The following DNAJB14 variants were observed in gnomAD, a reference collection of about 807,000 sequenced individuals.
DNAJB14 encodes the protein dnaJ homolog subfamily B member 14.
A neutral mutation model predicts 48.4 loss-of-function variants in DNAJB14; 22 were observed. The ratio of observed to expected loss-of-function variants is 0.45; its 90% CI spans 0.32 to 0.65. The LOEUF (loss-of-function observed/expected upper bound fraction) is 0.65. Ranked by LOEUF, DNAJB14 falls within the 30% of genes least tolerant of loss-of-function variation. DNAJB14 has a pLI of 0.03. For synonymous variants in DNAJB14, 142 were observed against 158.7 expected, an observed-to-expected ratio of 0.89 and a Z score of 0.79; for missense variants, 319 against 458.8, an observed-to-expected ratio of 0.70 and a Z score of 2.78.
At chr4:99,918,625 C>T (rs781712458) in intron 3 of DNAJB14, among the ~76,000 whole-genome samples, 1 of 152,178 alleles carries the variant, frequency 6.6e-6, no homozygotes, top group Non-Finnish European at 1.5e-5. Flanking sequence ...CCCTTGGCCT[C>T]TGAAGACACT....
At chr4:99,935,675 A>G (rs1726646472) in intron 1 of DNAJB14, among the ~76,000 whole-genome samples, 1 of 150,278 alleles carries the variant, frequency 6.7e-6, no homozygotes, top group African/African-American at 2.5e-5. Context: ...CTCTTCTAAT[A>G]GAAAAATTAT....
At chr4:99,910,132 A>G (rs947674255) in intron 3 of DNAJB14, among the ~76,000 whole-genome samples, 3 of 152,056 alleles carry the variant, frequency 2.0e-5, no homozygotes, top group African/African-American at 7.2e-5. Context: ...AATACTCTGG[A>G]TATTTTCTTC....
intron 1 of DNAJB14, among the ~76,000 whole-genome samples, chr4:99,940,583 ACT>A (rs2110225237): frequency 6.6e-6 from 1 of 152,236 alleles, no homozygotes; most frequent in East Asian, 1.9e-4. Flanking sequence ...AGAACGAGAC[ACT>A]GTCTCAAAAA....
chr4:99,940,961 TG>T (rs199536005), intron 1 of DNAJB14, among the ~76,000 whole-genome samples: 3,263 of 147,442 alleles, frequency 0.022, 35 homozygotes, highest in African/African-American at 0.039. Context: ...ATTTTTTTTT[TG>T]GAACACTTGG....
chr4:99,933,134 G>A (rs1285315518), intron 1 of DNAJB14, among the ~76,000 whole-genome samples: 1 of 151,944 alleles, frequency 6.6e-6, no homozygotes, highest in Non-Finnish European at 1.5e-5. Flanking sequence ...ATTGAAATGA[G>A]TGAATTGTAT....
chr4:99,939,835 A>T (rs1194358297), intron 1 of DNAJB14, among the ~76,000 whole-genome samples: 1 of 152,266 alleles, frequency 6.6e-6, no homozygotes, highest in Non-Finnish European at 1.5e-5. Flanking sequence ...AATTTAGAAC[A>T]CATTGGATCT....
intron 5 of DNAJB14, chr4:99,905,945 T>G (rs1385519777): frequency 1.5e-6 from 2 of 1,329,434 alleles, no homozygotes; most frequent in Non-Finnish European, 1.9e-6. Flanking sequence ...GATGAGGAAG[T>G]CTTCATTTCT....
intron 2 of DNAJB14, chr4:99,929,303 G>A (rs1227242736): frequency 6.6e-6 from 1 of 152,240 alleles, no homozygotes; most frequent in African/African-American, 2.4e-5. Flanking sequence ...ATGTTGGCCA[G>A]GCTGGTCTTG....
intron 3 of DNAJB14, among the ~76,000 whole-genome samples, chr4:99,916,305 A>AT (rs1318312222): frequency 6.6e-6 from 1 of 151,982 alleles, no homozygotes; most frequent in Admixed American, 6.6e-5. Context: ...CATCCAGCTA[A>AT]TTTTTTAATT....
At chr4:99,927,505 G>A (rs1726299377) in intron 2 of DNAJB14, 1 of 152,056 alleles carries the variant, frequency 6.6e-6, no homozygotes. Flanking sequence ...TAAATACAAT[G>A]ATACTCCAGT....
At chr4:99,918,699 T>TA (rs1171479678) in intron 3 of DNAJB14, among the ~76,000 whole-genome samples, 2 of 152,168 alleles carry the variant, frequency 1.3e-5, no homozygotes, top group Admixed American at 1.3e-4. Context: ...GGCCTCCACT[T>TA]ACGTCTCCCT....
At chr4:99,945,504 T>C (rs1360859232) in intron 1 of DNAJB14, among the ~76,000 whole-genome samples, 1 of 152,244 alleles carries the variant, frequency 6.6e-6, no homozygotes, top group African/African-American at 2.4e-5. Context: ...AAAGTTCAGC[T>C]ACTATTCTGA....
At chr4:99,905,733 A>G (rs1411184984) in intron 5 of DNAJB14, 27 bp from the exon 6 acceptor site, 1 of 1,592,322 alleles carries the variant, frequency 6.3e-7, no homozygotes, top group African/African-American at 1.3e-5. Flanking sequence ...AAGAATAACA[A>G]ATTGTAATAT....
In DNAJB14 at chr4:99,899,394, GCTT is replaced by G. The variant is rs1725223563; in HGVS notation, c.*1631_*1633del. On this transcript the variant is annotated 3_prime_UTR_variant, in exon 8 of 8. Coordinates refer to ENST00000442697, the MANE Select transcript of DNAJB14 (RefSeq NM_001031723.4). ...AAAATTGTATTTTCTCTTAAGCACT[GCTT>G]TTTTTTTTTTTTTAAGGTAACATTT... 2 of 147,204 alleles carry G rather than the reference GCTT, an allele frequency of 1.4e-5. No homozygotes were observed. Among genetic ancestry groups the G allele is most frequent in the Admixed American group, 6.8e-5 (1 of 14,774 alleles). 9.1% of individuals were successfully genotyped at this position (147,204 alleles called of 1,614,324 possible). A position where few individuals can be genotyped will look rare whatever the true frequency, so the allele number is the denominator to read the frequency against.
chr4:99,944,971 A>C (rs28553972), intron 1 of DNAJB14, among the ~76,000 whole-genome samples: 9,870 of 152,306 alleles, frequency 0.065, 464 homozygotes, highest in East Asian at 0.24. Context: ...TCACAAAAAG[A>C]TACTGCATGA....
In DNAJB14 at chr4:99,923,112, C is replaced by T. The variant is rs1726120149; in HGVS notation, c.379G>A (p.Ala127Thr). The change falls in exon 3 of 8, where the codon GCT (alanine) becomes ACT (threonine). Residue 127 changes from alanine (A) to threonine (T), a missense_variant. Around this residue, in one of 3 missense-constraint regions of DNAJB14, gnomAD observed 37 missense variants for 87.8 expected, o/e 0.42. Transcript: ENST00000442697. ...KDAGDEDLKK[A>T]YRKLALKFHP... Reference sequence around the variant, plus strand: ...AACTTCAAAGCAAGCTTTCTATAAGCTTTTTTCAAATCTTCATCACCAGCA... The same window carrying T: ...AACTTCAAAGCAAGCTTTCTATAAGTTTTTTTCAAATCTTCATCACCAGCA... The T allele has an allele frequency of 6.2e-7, 1 of 1,612,534 alleles. No individual in the cohort carries two copies. The highest frequency in any genetic ancestry group is 8.5e-7 in the Non-Finnish European group (1 of 1,179,284).
intron 1 of DNAJB14, among the ~76,000 whole-genome samples, chr4:99,944,072 G>T (rs1726980765): frequency 6.6e-6 from 1 of 151,902 alleles, no homozygotes; most frequent in Non-Finnish European, 1.5e-5. Flanking sequence ...TTAAAAATGG[G>T]CAAAGGACTT....
chr4:99,921,983 C>T (rs1196430264), intron 3 of DNAJB14, among the ~76,000 whole-genome samples: 1 of 152,058 alleles, frequency 6.6e-6, no homozygotes, highest in African/African-American at 2.4e-5. Context: ...AATGAACTGA[C>T]GGAAATGTAA....
chr4:99,945,726 C>CTAT (rs1727044098), intron 1 of DNAJB14, among the ~76,000 whole-genome samples: 1 of 152,174 alleles, frequency 6.6e-6, no homozygotes, highest in Admixed American at 6.5e-5. Context: ...TAAATGTTGG[C>CTAT]TATTATTACT....
Sources: allele counts gnomAD v4.1 joint callset (sites outside exome capture counted in the v4.1 genomes callset), GRCh38; gene constraint gnomAD v4.1.1; regional missense constraint gnomAD v4.1.1; transcripts MANE v1.5; gene names NCBI Gene and HGNC (gene_info 2026-07-23, HGNC 2026-07-21).